ABCC1: variants seen among roughly 807,000 people sequenced by gnomAD.
The protein encoded by ABCC1 is ATP binding cassette subfamily C member 1 (ABCC1 blood group).
ABCC1 carries 83 observed loss-of-function variants against 172.9 expected under a neutral mutation model. The ratio of observed to expected loss-of-function variants is 0.48; its 90% CI spans 0.40 to 0.58. The LOEUF (loss-of-function observed/expected upper bound fraction) is 0.58. Among genes scored for constraint, ABCC1 ranks in the 20% least tolerant of loss-of-function variants. The pLI, the probability that ABCC1 is intolerant of heterozygous loss-of-function variation, is 0.00. For synonymous variants in ABCC1, 937 were observed against 825.2 expected (o/e 1.14, Z -2.32); for missense variants, 1,817 against 2,002.7 (o/e 0.91, Z 1.77).
At chr16:16,078,762 C>T (rs556904647) in intron 15 of ABCC1, among the ~76,000 whole-genome samples, 6 of 152,272 alleles carry the variant, frequency 3.9e-5, no homozygotes, top group South Asian at 2.1e-4. Flanking sequence ...CTGTAACCTC[C>T]GCCTCTTGGG....
chr16:16,079,316 C>G (rs927501627), intron 15 of ABCC1, 36 bp from the exon 16 acceptor site: 2 of 1,608,944 alleles, frequency 1.2e-6, no homozygotes, highest in Admixed American at 3.3e-5. Flanking sequence ...AGGCCTCATT[C>G]AGCGTGGCTG....
chr16:16,126,173 C>CA lies in ABCC1; in HGVS notation c.3819+263dup, dbSNP rs1397131434. On this transcript the variant is annotated intron_variant, in intron 26 of 30. Transcript: ENST00000399410. ...GCTGTCAGGGCATTCAGAAGGTATT[C>CA]ACATTGTGAAGAAGTTTCCCCCTCT... 3.9e-5 allele frequency among the ~76,000 whole-genome samples: 6 copies of CA among 152,260 alleles called. No individual in the cohort carries two copies. In the East Asian group the frequency reaches 1.2e-3, roughly 29 times the overall value.
chr16:16,026,598 C>T (rs969777387), intron 5 of ABCC1, among the ~76,000 whole-genome samples: 14 of 146,750 alleles, frequency 9.5e-5, no homozygotes, highest in African/African-American at 2.7e-4. Flanking sequence ...AAGAATTTGA[C>T]AAAGCTCTTT....
chr16:15,983,992 A>G (rs2046688120), intron 1 of ABCC1, among the ~76,000 whole-genome samples: 1 of 152,128 alleles, frequency 6.6e-6, no homozygotes, highest in East Asian at 1.9e-4. Flanking sequence ...TGCCTCCTCT[A>G]GGCTTATGAG....
At chr16:15,969,726 C>T (rs897578980) in intron 1 of ABCC1, among the ~76,000 whole-genome samples, 5 of 151,432 alleles carry the variant, frequency 3.3e-5, no homozygotes, top group African/African-American at 9.7e-5. Flanking sequence ...TGGGGAAATT[C>T]GAGGCAAGAC....
chr16:16,123,894 C>T (rs1332848233), intron 24 of ABCC1, among the ~76,000 whole-genome samples: 4 of 151,640 alleles, frequency 2.6e-5, no homozygotes, highest in African/African-American at 7.3e-5. Context: ...GTGGCATGGG[C>T]CTGTAGTCGC....
intron 1 of ABCC1, among the ~76,000 whole-genome samples, chr16:15,995,357 G>T (rs1490853331): frequency 6.6e-6 from 1 of 152,136 alleles, no homozygotes; most frequent in Non-Finnish European, 1.5e-5. Context: ...GGCGGCACAG[G>T]TTTCTTCATT....
intron 22 of ABCC1, among the ~76,000 whole-genome samples, chr16:16,113,575 A>G (rs1017575005): frequency 6.6e-6 from 1 of 152,206 alleles, no homozygotes; most frequent in Non-Finnish European, 1.5e-5. Flanking sequence ...GGATTGCTTG[A>G]GCCCAGGAGG....
chr16:16,033,071 T>A (rs534431004), intron 5 of ABCC1, 38 bp from the exon 6 acceptor site: 1 of 1,599,630 alleles, frequency 6.3e-7, no homozygotes, highest in Admixed American at 1.7e-5. Context: ...ATCATTCCTT[T>A]CCCTCTTCCT....
At chr16:16,138,727 TTTTTTTGAGACAGAGTCTCGC>T (rs1397871119) in intron 30 of ABCC1, among the ~76,000 whole-genome samples, 169 bp downstream of exon 30, 1 of 150,654 alleles carries the variant, frequency 6.6e-6, no homozygotes, top group African/African-American at 2.4e-5. Context: ...TTTTTTTTTT[TTTTTTTGAGACAGAGTCTCGC>T]TTCATCTCTG....
chr16:15,955,107 G>A (rs1008418838), intron 1 of ABCC1, among the ~76,000 whole-genome samples: 4 of 152,148 alleles, frequency 2.6e-5, no homozygotes, highest in African/African-American at 4.8e-5. Context: ...TGTAATCCTG[G>A]CACTTCGGGA....
rs545640149 is a variant in ABCC1 at position 15,972,508 on chromosome 16, A to G, written c.48+22709A>G. 5.3e-5 allele frequency among the ~76,000 whole-genome samples: 8 copies of G among 152,178 alleles called. No homozygotes were observed. The East Asian group carries it at 1.2e-3, about 22-fold the overall frequency. ...TAAATGGCTGCTACAGCCCTAGGCA[A>G]TATATCTGGGTTCAAGGTAGGAAGA... On this transcript the variant is annotated intron_variant, in intron 1 of 30. Coordinates refer to ENST00000399410, the MANE Select transcript of ABCC1 (RefSeq NM_004996.4).
At chr16:16,018,693 G>A (rs956473217) in intron 5 of ABCC1, among the ~76,000 whole-genome samples, 2 of 151,870 alleles carry the variant, frequency 1.3e-5, no homozygotes, top group Non-Finnish European at 1.5e-5. Context: ...GTGTGTACGT[G>A]TGCATGTGCC....
intron 22 of ABCC1, among the ~76,000 whole-genome samples, chr16:16,113,630 G>A (rs991873960): frequency 1.3e-5 from 2 of 152,104 alleles, no homozygotes; most frequent in Non-Finnish European, 1.5e-5. Flanking sequence ...ACTCCATCCT[G>A]GGTGACAGGA....
At chr16:16,090,371 C>T in intron 18 of ABCC1, 34 bp from the exon 19 acceptor site, 1 of 1,546,506 alleles carries the variant, frequency 6.5e-7, no homozygotes, top group Non-Finnish European at 8.8e-7. Flanking sequence ...CACACATGTG[C>T]ACTCACGTGG....
At chr16:16,061,090 A>G (rs541492043) in intron 12 of ABCC1, among the ~76,000 whole-genome samples, 10 of 151,738 alleles carry the variant, frequency 6.6e-5, no homozygotes, top group Non-Finnish European at 1.5e-4. Flanking sequence ...TGCCAAGCCA[A>G]TTTTTTGTAT....
intron 1 of ABCC1, among the ~76,000 whole-genome samples, chr16:16,005,924 G>A (rs1222758526): frequency 6.6e-6 from 1 of 151,436 alleles, no homozygotes. Flanking sequence ...AACCCGAGAA[G>A]CAGAGATTGC....
intron 20 of ABCC1, among the ~76,000 whole-genome samples, chr16:16,104,286 C>G (rs893567237): frequency 3.3e-5 from 5 of 152,186 alleles, no homozygotes; most frequent in African/African-American, 1.2e-4. Context: ...CTACCCACAT[C>G]CTGCTGATTG....
chr16:16,107,814 G>T (rs72777623), intron 21 of ABCC1, among the ~76,000 whole-genome samples: 7,144 of 150,966 alleles, frequency 0.047, 217 homozygotes, highest in African/African-American at 0.084. Context: ...AATAAATGTG[G>T]TTTTTTTTGT....
Sources: allele counts gnomAD v4.1 joint callset (sites outside exome capture counted in the v4.1 genomes callset), GRCh38; gene constraint gnomAD v4.1.1; transcripts MANE v1.5; gene names NCBI Gene and HGNC (gene_info 2026-07-23, HGNC 2026-07-21).